ADAMTSL1: variants seen among roughly 807,000 people sequenced by gnomAD.
The protein encoded by ADAMTSL1 is ADAMTS-like protein 1.
In ADAMTSL1, 126 loss-of-function variants were observed where a neutral mutation model predicts 201.8. The observed-to-expected ratio is 0.62, with a 90% CI of 0.54 to 0.72. ADAMTSL1 has a LOEUF of 0.72. Ranked by LOEUF, ADAMTSL1 falls within the 30% of genes least tolerant of loss-of-function variation. The pLI is 0.00. For synonymous variants in ADAMTSL1, 1,121 were observed against 903.4 expected, an observed-to-expected ratio of 1.24 and a Z score of -4.32; for missense variants, 2,679 against 2,277.8, an observed-to-expected ratio of 1.18 and a Z score of -3.59.
At chr9:18,568,140 T>A (rs901054252) in intron 3 of ADAMTSL1, among the ~76,000 whole-genome samples, 2 of 152,170 alleles carry the variant, frequency 1.3e-5, no homozygotes, top group Non-Finnish European at 2.9e-5. Context: ...GGGACTACTG[T>A]ATATAAGTCT....
chr9:18,684,316 G>C (rs1050989125), intron 12 of ADAMTSL1, among the ~76,000 whole-genome samples: 8 of 151,894 alleles, frequency 5.3e-5, no homozygotes, highest in Admixed American at 3.3e-4. Flanking sequence ...AAAAAAGTTA[G>C]AATTTATGAA....
At chr9:18,260,135 T>C (rs13301677) in intron 2 of ADAMTSL1, among the ~76,000 whole-genome samples, 7,082 of 152,292 alleles carry the variant, frequency 0.047, 251 homozygotes, top group Non-Finnish European at 0.075. Context: ...TTTAATTCCA[T>C]TTCAGCTTTC....
In ADAMTSL1 at chr9:18,170,725, C is replaced by G. The variant is rs528388179; in HGVS notation, c.207+6744C>G. ...ATTTTTTATTGTTTGAGATAGTAAA[C>G]TACTGGTTAGCAGGCCCCTCTCAGA... On this transcript the variant is annotated intron_variant, in intron 2 of 29. Coordinates refer to the ADAMTSL1 transcript ENST00000680146. Among the ~76,000 whole-genome samples the G allele has an allele frequency of 6.6e-5, 10 of 152,138 alleles. No individual in the cohort carries two copies. In the South Asian group the frequency reaches 2.1e-3, roughly 32 times the overall value.
intron 14 of ADAMTSL1, among the ~76,000 whole-genome samples, chr9:18,707,331 T>G (rs931954795): frequency 6.6e-6 from 1 of 152,226 alleles, no homozygotes; most frequent in South Asian, 2.1e-4. Flanking sequence ...TGTATCTGGC[T>G]GAGAAACACA....
intron 1 of ADAMTSL1, among the ~76,000 whole-genome samples, chr9:17,991,494 A>T (rs1819147601): frequency 6.6e-6 from 1 of 152,110 alleles, no homozygotes; most frequent in Non-Finnish European, 1.5e-5. Context: ...TCCCAGCGCC[A>T]CAGATATTCA....
At chr9:18,018,921 G>C (rs565817351) in intron 1 of ADAMTSL1, among the ~76,000 whole-genome samples, 2 of 152,160 alleles carry the variant, frequency 1.3e-5, no homozygotes, top group South Asian at 2.1e-4. Flanking sequence ...TGTGGGAGTG[G>C]CTTTGGAACC....
At chr9:18,436,778 A>G (rs1468245504) in intron 2 of ADAMTSL1, among the ~76,000 whole-genome samples, 2 of 152,172 alleles carry the variant, frequency 1.3e-5, no homozygotes, top group Non-Finnish European at 2.9e-5. Flanking sequence ...AGCCATCATC[A>G]TGGAATCCTT....
chr9:18,274,924 C>A (rs1445078503), intron 2 of ADAMTSL1, among the ~76,000 whole-genome samples: 1 of 152,140 alleles, frequency 6.6e-6, no homozygotes, highest in Non-Finnish European at 1.5e-5. Flanking sequence ...AAATTTCCTC[C>A]CATGAGCAAA....
intron 1 of ADAMTSL1, among the ~76,000 whole-genome samples, chr9:17,975,955 A>G (rs1327974697): frequency 6.6e-6 from 1 of 152,016 alleles, no homozygotes; most frequent in African/African-American, 2.4e-5. Context: ...CAGTTTTTCC[A>G]ACACTATTTA....
intron 1 of ADAMTSL1, among the ~76,000 whole-genome samples, chr9:17,965,358 AC>A (rs1042091144): frequency 1.3e-5 from 2 of 152,174 alleles, no homozygotes; most frequent in Admixed American, 6.5e-5. Flanking sequence ...TAGAGAATAT[AC>A]TTACATTAAA....
intron 1 of ADAMTSL1, among the ~76,000 whole-genome samples, chr9:18,005,068 G>C (rs1386744085): frequency 6.6e-6 from 1 of 152,120 alleles, no homozygotes; most frequent in Non-Finnish European, 1.5e-5. Context: ...TGACAGTGAA[G>C]TTTGATCCGT....
chr9:18,413,084 A>G (rs974817142), intron 2 of ADAMTSL1, among the ~76,000 whole-genome samples: 27 of 151,942 alleles, frequency 1.8e-4, no homozygotes, highest in Non-Finnish European at 3.5e-4. Flanking sequence ...TAATTTGTGT[A>G]AGAGAAGAAT....
chr9:18,016,085 A>T (rs924678660), intron 1 of ADAMTSL1, among the ~76,000 whole-genome samples: 1 of 152,186 alleles, frequency 6.6e-6, no homozygotes, highest in African/African-American at 2.4e-5. Context: ...TTCCTCAAGG[A>T]TTTAAATAGG....
intron 2 of ADAMTSL1, among the ~76,000 whole-genome samples, chr9:18,314,944 C>G (rs1396768031): frequency 6.6e-6 from 1 of 150,664 alleles, no homozygotes; most frequent in African/African-American, 2.4e-5. Flanking sequence ...CTACAGGCGC[C>G]CGCTACCACG....
intron 1 of ADAMTSL1, among the ~76,000 whole-genome samples, chr9:17,913,457 A>G (rs553697378): frequency 1.8e-4 from 28 of 152,302 alleles, no homozygotes; most frequent in African/African-American, 6.5e-4. Flanking sequence ...TCCTTGAAGC[A>G]ATTGTGAATG....
At chr9:18,000,310 A>G in intron 1 of ADAMTSL1, among the ~76,000 whole-genome samples, 1 of 152,032 alleles carries the variant, frequency 6.6e-6, no homozygotes, top group Non-Finnish European at 1.5e-5. Context: ...TTAAAAAGTC[A>G]GACACTTTTT....
intron 1 of ADAMTSL1, among the ~76,000 whole-genome samples, chr9:17,940,712 C>CAAAAAAAAAAAAAAAAA (rs60466124): frequency 2.3e-5 from 2 of 88,680 alleles, no homozygotes; most frequent in Non-Finnish European, 4.2e-5. Context: ...GCATAACGTG[C>CAAAAAAAAAAAAAAAAA]AAAAAAAAAA....
chr9:17,941,226 T>G (rs891028475), intron 1 of ADAMTSL1, among the ~76,000 whole-genome samples: 1 of 152,096 alleles, frequency 6.6e-6, no homozygotes, highest in Non-Finnish European at 1.5e-5. Flanking sequence ...ATATTGTGTC[T>G]TGAAAATCTT....
At chr9:18,289,596 T>C (rs1055676207) in intron 2 of ADAMTSL1, among the ~76,000 whole-genome samples, 10 of 152,224 alleles carry the variant, frequency 6.6e-5, no homozygotes, top group African/African-American at 2.2e-4. Flanking sequence ...GCCAGGACTT[T>C]ATCTGCAATC....
Sources: allele counts gnomAD v4.1 joint callset (sites outside exome capture counted in the v4.1 genomes callset), GRCh38; gene constraint gnomAD v4.1.1; transcripts MANE v1.5; gene names NCBI Gene and HGNC (gene_info 2026-07-23, HGNC 2026-07-21).